The following HTR7 variants were observed in gnomAD, a reference collection of about 807,000 sequenced individuals.
The protein encoded by HTR7 is 5-HT-7.
In HTR7, 16 loss-of-function variants were observed where a neutral mutation model predicts 34.0. The ratio of observed to expected loss-of-function variants is 0.47; its 90% CI spans 0.32 to 0.71. The LOEUF (loss-of-function observed/expected upper bound fraction) is 0.71. HTR7 is among the 30% of genes least tolerant of loss of function. The probability of loss-of-function intolerance (pLI) is 0.04; values close to 1 mark genes in which losing one functional copy is unlikely to be tolerated. For missense variants in HTR7, 504 were observed against 625.5 expected (o/e 0.81, Z 2.07); for synonymous variants, 265 against 260.2 (o/e 1.02, Z -0.18).
chr10:90,764,614 C>T (rs2119733518), intron 1 of HTR7, among the ~76,000 whole-genome samples: 1 of 152,188 alleles, frequency 6.6e-6, no homozygotes, highest in Admixed American at 6.5e-5. Flanking sequence ...CACCTGAAAA[C>T]AGAAACAATT....
At chr10:90,815,850 A>G (rs1845891468) in intron 1 of HTR7, among the ~76,000 whole-genome samples, 1 of 152,246 alleles carries the variant, frequency 6.6e-6, no homozygotes, top group South Asian at 2.1e-4. Flanking sequence ...AGCCCTTTGT[A>G]GAGCATTTAT....
At chr10:90,829,068 C>CAAGCATAAAT (rs1846126285) in intron 1 of HTR7, among the ~76,000 whole-genome samples, 1 of 152,120 alleles carries the variant, frequency 6.6e-6, no homozygotes, top group South Asian at 2.1e-4. Flanking sequence ...TGGGATTTAT[C>CAAGCATAAAT]CCAGGTATGC....
At chr10:90,841,347 A>G (rs1166315888) in intron 1 of HTR7, among the ~76,000 whole-genome samples, 2 of 152,198 alleles carry the variant, frequency 1.3e-5, no homozygotes, top group East Asian at 3.8e-4. Context: ...AGTTCCCACA[A>G]ACTCAGTGGC....
At chr10:90,830,120 G>A (rs911760465) in intron 1 of HTR7, among the ~76,000 whole-genome samples, 1 of 152,102 alleles carries the variant, frequency 6.6e-6, no homozygotes, top group Non-Finnish European at 1.5e-5. Flanking sequence ...TGTTTATCTT[G>A]TGCCAGTATA....
chr10:90,749,322 G>T lies in HTR7; in HGVS notation c.812C>A (p.Ala271Asp). The T allele has an allele frequency of 6.2e-7, 1 of 1,614,174 alleles. No individual in the cohort carries two copies. Among genetic ancestry groups the T allele is most frequent in the Non-Finnish European group, 8.5e-7 (1 of 1,180,034 alleles). ...QIYKAARKSA[A>D]KHKFPGFPRV... The stretch of plus-strand genomic sequence containing the variant: ...AGGGAAGCCAGGAAACTTGTGTTTG[G>T]CAGCACTCTTCCTGGCAGCCTTGTA... Residue 271 changes from alanine (A) to aspartate (D), a missense_variant, in exon 2 of 4, where the codon GCC becomes GAC. Ala to Asp is a moderately radical substitution (Grantham distance 126). Around this residue, in one of 4 missense-constraint regions of HTR7, gnomAD observed 57 missense variants for 47.5 expected, o/e 1.20. Transcript: ENST00000336152. This position sits in a 1 kb window ranked among gnomAD's most constrained non-coding sequence, Gnocchi z 4.2.
intron 2 of HTR7, among the ~76,000 whole-genome samples, chr10:90,745,627 T>C (rs1844621019): frequency 6.6e-6 from 1 of 152,238 alleles, no homozygotes; most frequent in African/African-American, 2.4e-5. Context: ...CTAAAGTTGA[T>C]GGATATTTTT....
intron 1 of HTR7, among the ~76,000 whole-genome samples, chr10:90,751,512 G>T (rs1179517928): frequency 6.6e-6 from 1 of 152,070 alleles, no homozygotes; most frequent in East Asian, 1.9e-4. Flanking sequence ...CAAGACATGA[G>T]CCCAGGATGG....
intron 1 of HTR7, among the ~76,000 whole-genome samples, chr10:90,763,403 T>A (rs554975549): frequency 1.4e-5 from 2 of 146,936 alleles, no homozygotes; most frequent in Non-Finnish European, 3.0e-5. Context: ...GCTACTATAA[T>A]TGGAATTGTT....
chr10:90,823,064 A>G (rs1846012194), intron 1 of HTR7, among the ~76,000 whole-genome samples: 1 of 152,230 alleles, frequency 6.6e-6, no homozygotes, highest in Non-Finnish European at 1.5e-5. Flanking sequence ...AACCCCTTCT[A>G]GGGCAGTGTG....
chr10:90,843,582 C>G (rs1475430607), intron 1 of HTR7, among the ~76,000 whole-genome samples: 2 of 151,822 alleles, frequency 1.3e-5, no homozygotes, highest in Non-Finnish European at 2.9e-5. Context: ...TGTCAAGGAA[C>G]TGAAAGAAGA....
At chr10:90,853,557 A>T (rs1846533254) in intron 1 of HTR7, among the ~76,000 whole-genome samples, 1 of 150,826 alleles carries the variant, frequency 6.6e-6, no homozygotes, top group African/African-American at 2.4e-5. Context: ...CTCCAGCCTC[A>T]GCCTCCCAAA....
intron 1 of HTR7, among the ~76,000 whole-genome samples, chr10:90,821,942 G>C (rs77083280): frequency 6.6e-6 from 1 of 152,088 alleles, no homozygotes; most frequent in Non-Finnish European, 1.5e-5. Flanking sequence ...GGCCTCCCCA[G>C]CCATGCCTCC....
intron 1 of HTR7, among the ~76,000 whole-genome samples, chr10:90,786,034 T>G (rs751179304): frequency 4.6e-5 from 7 of 152,186 alleles, no homozygotes; most frequent in Non-Finnish European, 1.0e-4. Context: ...GGCTTCCTTC[T>G]TAAATACTGC....
chr10:90,794,666 A>G (rs530314457), intron 1 of HTR7, among the ~76,000 whole-genome samples: 3 of 151,944 alleles, frequency 2.0e-5, no homozygotes, highest in Non-Finnish European at 2.9e-5. Flanking sequence ...ACACCTGGCT[A>G]TTTTTTTATT....
At chr10:90,848,069 C>CTTTTTTTTTTTTT (rs61675028) in intron 1 of HTR7, among the ~76,000 whole-genome samples, 66 of 112,086 alleles carry the variant, frequency 5.9e-4, no homozygotes, top group East Asian at 2.2e-3. Context: ...TCTCTTTGTT[C>CTTTTTTTTTTTTT]TTTTTTTTTT....
In HTR7 at chr10:90,810,765, A is replaced by C. The variant is rs534920906; in HGVS notation, c.539+46368T>G. 1.9e-4 allele frequency among the ~76,000 whole-genome samples: 29 copies of C among 152,264 alleles called. 1 individual carries two copies. The highest frequency in any genetic ancestry group is 1.7e-3 in the Admixed American group (26 of 15,296). On this transcript the variant is annotated intron_variant, in intron 1 of 3. Coordinates refer to ENST00000336152, the MANE Select transcript of HTR7 (RefSeq NM_019859.4). ...GACCCTGACACCCATCACGCTCAGC[A>C]AATTACCTGGGCTGTACTGCCGCAA...
At chr10:90,853,475 T>C (rs116904701) in intron 1 of HTR7, among the ~76,000 whole-genome samples, 2,347 of 150,846 alleles carry the variant, frequency 0.016, 30 homozygotes, top group Non-Finnish European at 0.022. Flanking sequence ...CTTTTCTTTT[T>C]TTTTTTTCCG....
chr10:90,825,784 C>T (rs1564695227), intron 1 of HTR7, among the ~76,000 whole-genome samples: 1 of 152,040 alleles, frequency 6.6e-6, no homozygotes, highest in Non-Finnish European at 1.5e-5. Context: ...AGCTTGAAGA[C>T]AGGCTATTTG....
intron 1 of HTR7, among the ~76,000 whole-genome samples, chr10:90,814,341 T>G (rs529013355): frequency 7.2e-5 from 11 of 152,194 alleles, no homozygotes; most frequent in Admixed American, 3.9e-4. Flanking sequence ...TGATAAATGC[T>G]GTGGTTATAG....
Sources: gnomAD v4.1 joint callset for allele counts (sites outside exome capture counted in the v4.1 genomes callset) on GRCh38, gnomAD v4.1.1 for gene constraint, gnomAD v4.1.1 regional missense constraint, Gnocchi (gnomAD v3.1) non-coding constraint, MANE v1.5 for transcripts, NCBI Gene and HGNC (gene_info 2026-07-23, HGNC 2026-07-21) for gene names.